PCDHA2: variants seen among roughly 807,000 people sequenced by gnomAD.
The protein encoded by PCDHA2 is protocadherin alpha 2.
In PCDHA2, 58 loss-of-function variants were observed where a neutral mutation model predicts 66.0. The ratio of observed to expected loss-of-function variants is 0.88; its 90% CI spans 0.71 to 1.09. The LOEUF is 1.09. PCDHA2 is among the 50% of genes least tolerant of loss of function. The pLI, the probability that PCDHA2 is intolerant of heterozygous loss-of-function variation, is 0.00. For synonymous variants in PCDHA2, 634 were observed against 554.0 expected, an observed-to-expected ratio of 1.14 and a Z score of -2.03; for missense variants, 1,267 against 1,242.3, an observed-to-expected ratio of 1.02 and a Z score of -0.30.
chr5:140,869,005 G>C, intron 1 of PCDHA2: 1 of 1,521,546 alleles, frequency 6.6e-7, no homozygotes, highest in Non-Finnish European at 8.8e-7. Context: ...AGGATCCTTT[G>C]AAACTTCTTA....
intron 1 of PCDHA2, chr5:140,824,236 A>T (rs1554129815): frequency 6.6e-7 from 1 of 1,505,494 alleles, no homozygotes; most frequent in Non-Finnish European, 9.2e-7. Flanking sequence ...GTACACAAAT[A>T]TTGTGGTACA....
Position 140,796,794 on chromosome 5 carries a change from G to C in PCDHA2, c.1830G>C (p.Glu610Asp). 2 of 1,614,142 alleles carry C rather than the reference G, an allele frequency of 1.2e-6. No homozygotes were observed. The highest frequency in any genetic ancestry group is 1.7e-6 in the Non-Finnish European group (2 of 1,179,982). Reference protein sequence around the residue: ...DSGYNAWLSYELQLGTGSARI... With the variant: ...DSGYNAWLSYDLQLGTGSARI... ...GCTACAACGCGTGGCTTTCGTACGA[G>C]CTTCAGCTGGGTACTGGCAGCGCTC... The change falls in exon 1 of 4, where the codon GAG becomes GAC. Residue 610 changes from glutamate (E) to aspartate (D), a missense_variant. By Grantham distance (45) the Glu-to-Asp change is conservative. Transcript: ENST00000526136.
chr5:140,981,691 T>C (rs1370541525), intron 2 of PCDHA2, among the ~76,000 whole-genome samples: 1 of 150,826 alleles, frequency 6.6e-6, no homozygotes, highest in East Asian at 2.1e-4. Flanking sequence ...CCTTCCATCA[T>C]TCATTCATTC....
intron 1 of PCDHA2, chr5:140,855,859 C>T: frequency 1.4e-6 from 1 of 728,300 alleles, no homozygotes; most frequent in Non-Finnish European, 2.2e-6. Flanking sequence ...CCGGATGTCG[C>T]TGTCGTCCAC....
At chr5:140,829,735 C>G (rs2150173587) in intron 1 of PCDHA2, 4 of 1,613,534 alleles carry the variant, frequency 2.5e-6, no homozygotes, top group Non-Finnish European at 2.5e-6. Flanking sequence ...TGGGCAGCAA[C>G]GTGACGCTGC....
chr5:140,863,163 G>A (rs1554157882), intron 1 of PCDHA2: 4 of 658,702 alleles, frequency 6.1e-6, no homozygotes, highest in Non-Finnish European at 1.1e-5. Flanking sequence ...ACTGCGAGCT[G>A]GCGCTGACTG....
chr5:140,883,987 G>A (rs782597930), intron 1 of PCDHA2: 2 of 1,612,956 alleles, frequency 1.2e-6, no homozygotes, highest in East Asian at 2.2e-5. Flanking sequence ...CTGGCAGCGC[G>A]GGAGGCACAG....
At chr5:140,841,887 A>G (rs2150324801) in intron 1 of PCDHA2, 3 of 1,613,824 alleles carry the variant, frequency 1.9e-6, no homozygotes, top group Non-Finnish European at 2.5e-6. Context: ...AACGATGAGA[A>G]TAAACTGGTT....
chr5:140,967,774 G>C (rs1447955993), intron 1 of PCDHA2: 3 of 1,614,106 alleles, frequency 1.9e-6, no homozygotes, highest in Non-Finnish European at 1.7e-6. Context: ...TCTATGTGCA[G>C]GCGACTGACC....
chr5:140,843,227 G>A, intron 1 of PCDHA2: 1 of 1,596,116 alleles, frequency 6.3e-7, no homozygotes, highest in Non-Finnish European at 8.6e-7. Flanking sequence ...CACCACTCGT[G>A]TCCTGGACGA....
intron 1 of PCDHA2, chr5:140,829,132 C>G (rs138194639): frequency 1.2e-6 from 2 of 1,612,864 alleles, no homozygotes; most frequent in African/African-American, 2.7e-5. Context: ...ATGATAACGT[C>G]CCTGAGATAG....
At chr5:140,851,191 T>A in intron 1 of PCDHA2, 1 of 1,215,936 alleles carries the variant, frequency 8.2e-7, no homozygotes, top group Non-Finnish European at 1.1e-6. Flanking sequence ...ACCAATTTAG[T>A]TGTTAGTCAT....
intron 1 of PCDHA2, chr5:140,875,679 A>T (rs1554167850): frequency 4.3e-6 from 7 of 1,613,916 alleles, no homozygotes; most frequent in Non-Finnish European, 8.5e-7. Context: ...TGGCGTCCAA[A>T]AGACACGGGG....
chr5:140,938,298 A>G (rs549354760), intron 1 of PCDHA2, among the ~76,000 whole-genome samples: 4 of 152,350 alleles, frequency 2.6e-5, no homozygotes, highest in African/African-American at 7.2e-5. Context: ...ATTGCCTATG[A>G]AATTCAGTAT....
At chr5:140,928,400 C>T (rs1441591334) in intron 1 of PCDHA2, 15 of 1,614,038 alleles carry the variant, frequency 9.3e-6, no homozygotes, top group Non-Finnish European at 1.3e-5. Context: ...GTGGAATCAT[C>T]CAGTGGGGCC....
At position 140,845,294 on chromosome 5, in the gene PCDHA2, A is replaced by G. The variant is rs2150378014; in HGVS notation, c.2388+47942A>G. Among the ~76,000 whole-genome samples, 474 of 149,590 alleles carry G rather than the reference A, an allele frequency of 3.2e-3. 41 individuals are homozygous for G. The highest frequency in any genetic ancestry group is 5.1e-3 in the Non-Finnish European group (342 of 66,782). On this transcript the variant is annotated intron_variant, in intron 1 of 3. Transcript: ENST00000526136. Reference sequence around the variant, plus strand: ...GAAAGTAATATTTCCTATCCTGTCTATGTCTACCTGGTTCTCAGGTATTAC... The same window carrying G: ...GAAAGTAATATTTCCTATCCTGTCTGTGTCTACCTGGTTCTCAGGTATTAC...
At chr5:140,812,299 T>C (rs1213941243) in intron 1 of PCDHA2, 1 of 152,100 alleles carries the variant, frequency 6.6e-6, no homozygotes, top group African/African-American at 2.4e-5. Context: ...TTTTGGTATA[T>C]GATTTTAAAA....
At chr5:140,884,679 A>C (rs782535862) in intron 1 of PCDHA2, 12 of 1,551,914 alleles carry the variant, frequency 7.7e-6, no homozygotes, top group Non-Finnish European at 8.7e-6. Context: ...TTATATTTTA[A>C]AAAATTGTCT....
chr5:140,968,312 C>A, intron 1 of PCDHA2: 2 of 1,613,960 alleles, frequency 1.2e-6, no homozygotes, highest in Non-Finnish European at 1.7e-6. Context: ...GATTCAAGGG[C>A]TGCCAGTCAC....
Sources: allele counts gnomAD v4.1 joint callset (sites outside exome capture counted in the v4.1 genomes callset), GRCh38; gene constraint gnomAD v4.1.1; transcripts MANE v1.5; gene names NCBI Gene and HGNC (gene_info 2026-07-23, HGNC 2026-07-21).